The following NSG2 variants were observed in gnomAD, a reference collection of about 807,000 sequenced individuals.
NSG2 encodes neuronal vesicle trafficking associated 2.
NSG2 carries 4 observed loss-of-function variants against 16.9 expected under a neutral mutation model. The observed-to-expected ratio is 0.24, with a 90% CI of 0.12 to 0.54. The LOEUF is 0.54. Among genes scored for constraint, NSG2 ranks in the 20% least tolerant of loss-of-function variants. NSG2 has a pLI of 0.95. For missense variants in NSG2, 179 were observed against 221.1 expected (o/e 0.81, Z 1.21); for synonymous variants, 98 against 88.7 (o/e 1.11, Z -0.59).
chr5:174,079,569 A>G (rs1760411767), intron 3 of NSG2, among the ~76,000 whole-genome samples: 1 of 151,996 alleles, frequency 6.6e-6, no homozygotes. Flanking sequence ...CACATCTTTC[A>G]TTATCAGTGA....
chr5:174,049,200 C>A (rs1338476342), intron 2 of NSG2, among the ~76,000 whole-genome samples: 2 of 152,026 alleles, frequency 1.3e-5, no homozygotes, highest in Non-Finnish European at 2.9e-5. Context: ...ATTAGCCGGG[C>A]GTGGTGGTGG....
rs368508608 is a variant in NSG2 at position 174,107,532 on chromosome 5, C to T, written c.*27C>T. 5.0e-5 allele frequency: 68 copies of T among 1,351,950 alleles called. No homozygotes were observed. Among genetic ancestry groups the T allele is most frequent in the Middle Eastern group, 2.1e-4 (1 of 4,786 alleles). 83.7% of individuals were successfully genotyped at this position (1,351,950 alleles called of 1,614,324 possible). ...GGCCTGCCCCAGCCAGAATGGGGGGCGGGGTGGAGAGGAGGACCCCCATTG... is the reference window on the plus strand; with the variant it reads ...GGCCTGCCCCAGCCAGAATGGGGGGTGGGGTGGAGAGGAGGACCCCCATTG... On this transcript the variant is annotated 3_prime_UTR_variant, in exon 5 of 5. Coordinates refer to ENST00000303177, the MANE Select transcript of NSG2 (RefSeq NM_015980.5). The surrounding 1 kb of genome is among the most constrained non-coding windows in gnomAD (Gnocchi z 4.5).
intron 3 of NSG2, among the ~76,000 whole-genome samples, chr5:174,093,342 A>T (rs1581239900): frequency 6.6e-6 from 1 of 152,180 alleles, no homozygotes; most frequent in East Asian, 1.9e-4. Context: ...ATGCACTACC[A>T]CGCCCCGCCA....
chr5:174,096,093 C>T (rs1441491284), intron 3 of NSG2, among the ~76,000 whole-genome samples: 4 of 152,352 alleles, frequency 2.6e-5, no homozygotes, highest in South Asian at 2.1e-4. Flanking sequence ...ATACCACCTA[C>T]CTCATAGGGC....
At chr5:174,054,437 G>A (rs566494668) in intron 2 of NSG2, among the ~76,000 whole-genome samples, 1 of 152,262 alleles carries the variant, frequency 6.6e-6, no homozygotes, top group Admixed American at 6.5e-5. Flanking sequence ...GGAGTGTAGT[G>A]GTGTGATTGT....
chr5:174,099,307 G>A (rs536529595), intron 3 of NSG2, among the ~76,000 whole-genome samples: 2 of 152,232 alleles, frequency 1.3e-5, no homozygotes, highest in South Asian at 2.1e-4. Context: ...AGTGGAACTC[G>A]CCGGCCTGAG....
At chr5:174,046,546 T>C (rs1759798955) in intron 1 of NSG2, 188 bp from the exon 2 acceptor site, 1 of 566,188 alleles carries the variant, frequency 1.8e-6, no homozygotes, top group East Asian at 2.9e-5. Context: ...TGGCATATTT[T>C]GATGATTAAA....
intron 3 of NSG2, among the ~76,000 whole-genome samples, chr5:174,068,616 C>G (rs915387225): frequency 7.3e-6 from 1 of 137,800 alleles, no homozygotes. Context: ...TCTGGTGTCA[C>G]GGTGATCCTG....
chr5:174,104,427 G>C, intron 4 of NSG2, 89 bp downstream of exon 4: 1 of 924,470 alleles, frequency 1.1e-6, no homozygotes, highest in Non-Finnish European at 1.8e-6. Flanking sequence ...CCAAATTCTG[G>C]GTATGACGAC....
chr5:174,077,817 T>C (rs1760373484), intron 3 of NSG2, among the ~76,000 whole-genome samples: 1 of 152,242 alleles, frequency 6.6e-6, no homozygotes, highest in Non-Finnish European at 1.5e-5. Context: ...TATAGCCCCG[T>C]ATGCCTATAC....
intron 2 of NSG2, among the ~76,000 whole-genome samples, chr5:174,055,781 C>A (rs1009496653): frequency 6.6e-6 from 1 of 152,158 alleles, no homozygotes; most frequent in African/African-American, 2.4e-5. Context: ...ATACTAGAGA[C>A]CTGCTTCCGA....
At chr5:174,070,839 C>A (rs868507150) in intron 3 of NSG2, among the ~76,000 whole-genome samples, 26 of 152,270 alleles carry the variant, frequency 1.7e-4, no homozygotes, top group African/African-American at 5.1e-4. Flanking sequence ...CCCTGGAGGG[C>A]AGGGAGGTGT....
rs1760258419 is a variant in NSG2 at position 174,072,317 on chromosome 5, C to A, written c.213+8002C>A. On this transcript the variant is annotated intron_variant, in intron 3 of 4. Transcript: ENST00000303177. This position sits in a 1 kb window ranked among gnomAD's most constrained non-coding sequence, Gnocchi z 4.0. The stretch of plus-strand genomic sequence containing the variant: ...CTCTCCCATAGGTGCATCCACCTCC[C>A]AGAAGCAGTGGCCCTTCCCTCATGA... Among the ~76,000 whole-genome samples, 1 of 152,248 alleles carries A rather than the reference C, an allele frequency of 6.6e-6. No individual in the cohort carries two copies. The highest frequency in any genetic ancestry group is 2.4e-5 in the African/African-American group (1 of 41,462).
At chr5:174,067,869 G>T (rs1760170031) in intron 3 of NSG2, among the ~76,000 whole-genome samples, 1 of 152,268 alleles carries the variant, frequency 6.6e-6, no homozygotes, top group Admixed American at 6.5e-5. Flanking sequence ...GGACTCTTTG[G>T]TGTTTGGCTT....
rs1167786529 is a variant in NSG2, at chr5:174,072,460, C to T, written c.213+8145C>T. 6.6e-6 allele frequency among the ~76,000 whole-genome samples: 1 copy of T among 152,242 alleles called. No homozygotes were observed. Among genetic ancestry groups the T allele is most frequent in the Non-Finnish European group, 1.5e-5 (1 of 68,046 alleles). On this transcript the variant is annotated intron_variant, in intron 3 of 4. Coordinates refer to ENST00000303177, the MANE Select transcript of NSG2 (RefSeq NM_015980.5). This position sits in a 1 kb window ranked among gnomAD's most constrained non-coding sequence, Gnocchi z 4.0. ...ATCCCTCAACACCAAATGCACATGGCCTGGGCCTGTGCAGTGTTGCTTGCA... is the reference window on the plus strand; with the variant it reads ...ATCCCTCAACACCAAATGCACATGGTCTGGGCCTGTGCAGTGTTGCTTGCA...
At chr5:174,065,635 C>T (rs900168475) in intron 3 of NSG2, among the ~76,000 whole-genome samples, 2 of 152,060 alleles carry the variant, frequency 1.3e-5, no homozygotes, top group African/African-American at 4.8e-5. Flanking sequence ...AAAAAACACA[C>T]AAAAAACGGT....
intron 3 of NSG2, among the ~76,000 whole-genome samples, chr5:174,076,888 C>A (rs1450879508): frequency 6.6e-6 from 1 of 152,174 alleles, no homozygotes; most frequent in Non-Finnish European, 1.5e-5. Context: ...TGCTGAGAAA[C>A]CTTGCTCTAG....
At chr5:174,080,554 T>TCTCTCTCTCTCTCTCTCTC (rs1398255846) in intron 3 of NSG2, among the ~76,000 whole-genome samples, 2 of 145,976 alleles carry the variant, frequency 1.4e-5, no homozygotes, top group African/African-American at 5.2e-5. Context: ...TCTCTCTTTC[T>TCTCTCTCTCTCTCTCTCTC]TTTCTTTCTT....
At chr5:174,051,905 C>T (rs145037113) in intron 2 of NSG2, among the ~76,000 whole-genome samples, 151 of 152,280 alleles carry the variant, frequency 9.9e-4, no homozygotes, top group African/African-American at 3.6e-3. Flanking sequence ...GATCAGGGGG[C>T]CACATTGGCT....
Sources: allele counts gnomAD v4.1 joint callset (sites outside exome capture counted in the v4.1 genomes callset), GRCh38; gene constraint gnomAD v4.1.1; non-coding constraint Gnocchi (gnomAD v3.1); transcripts MANE v1.5; gene names NCBI Gene and HGNC (gene_info 2026-07-23, HGNC 2026-07-21).